CLASP2: variants seen among roughly 807,000 people sequenced by gnomAD.
CLASP2 encodes cytoplasmic linker associated protein 2, also known as CLIP-associating protein 2.
In CLASP2, 47 loss-of-function variants were observed where a neutral mutation model predicts 194.4. The ratio of observed to expected loss-of-function variants is 0.24; its 90% CI spans 0.19 to 0.31. The LOEUF (loss-of-function observed/expected upper bound fraction) is 0.31, where lower values mean the gene tolerates loss of function less well. Among genes scored for constraint, CLASP2 ranks in the 10% least tolerant of loss-of-function variants. The pLI is 1.00. For synonymous variants in CLASP2, 619 were observed against 633.5 expected (o/e 0.98, Z 0.34); for missense variants, 1,445 against 1,823.6 (o/e 0.79, Z 3.78).
At chr3:33,498,803 G>A (rs1413433692) in intron 38 of CLASP2, 86 bp from the exon 39 acceptor site, 4 of 654,088 alleles carry the variant, frequency 6.1e-6, no homozygotes, top group Non-Finnish European at 1.0e-5. Flanking sequence ...ACATATATGT[G>A]AGCTCTGAAA....
chr3:33,506,377 C>CAAAAAAAAAAAAAAAAAAAAAAAAAAAAA lies in CLASP2; in HGVS notation c.4317+4180_4317+4181insTTTTTTTTTTTTTTTTTTTTTTTTTTTTT, dbSNP rs2048189726. 1.8e-4 allele frequency among the ~76,000 whole-genome samples: 11 copies of CAAAAAAAAAAAAAAAAAAAAAAAAAAAAA among 61,878 alleles called. 3 individuals carry two copies. Among genetic ancestry groups the CAAAAAAAAAAAAAAAAAAAAAAAAAAAAA allele is most frequent in the African/African-American group, 5.1e-4 (9 of 17,542 alleles). 40.6% of individuals were successfully genotyped at this position (61,878 alleles called of 152,430 possible). On this transcript the variant is annotated intron_variant, in intron 37 of 38. Transcript: ENST00000682230. The stretch of plus-strand genomic sequence containing the variant: ...TGGGTGACAGAGTGAGACTCTGTCT[C>CAAAAAAAAAAAAAAAAAAAAAAAAAAAAA]GAAAAAAAAAAAAAAAAAAAAAAAA...
At chr3:33,679,146 T>C (rs1334578941) in intron 6 of CLASP2, among the ~76,000 whole-genome samples, 2 of 151,952 alleles carry the variant, frequency 1.3e-5, no homozygotes, top group Non-Finnish European at 2.9e-5. Context: ...TAAAAGATAG[T>C]TTCTTCAAAA....
intron 1 of CLASP2, among the ~76,000 whole-genome samples, chr3:33,711,371 G>A (rs912250428): frequency 6.7e-5 from 10 of 150,104 alleles, no homozygotes; most frequent in South Asian, 2.1e-4. Flanking sequence ...TCAGCCTCCC[G>A]AATAGCTAGG....
intron 18 of CLASP2, among the ~76,000 whole-genome samples, chr3:33,601,862 T>C (rs1317702857): frequency 6.6e-6 from 1 of 152,218 alleles, no homozygotes; most frequent in Non-Finnish European, 1.5e-5. Flanking sequence ...CATACCTAAA[T>C]TCTCTGCACT....
rs112816667 is a variant in CLASP2, at chr3:33,637,039, C to T, written c.863-4668G>A. Reference sequence around the variant, plus strand: ...TAGGACAACTGAGAAAACTTAAATACGTAGGTAAGCTGACTAAAAGGAAGT... The same window carrying T: ...TAGGACAACTGAGAAAACTTAAATATGTAGGTAAGCTGACTAAAAGGAAGT... On this transcript the variant is annotated intron_variant, in intron 8 of 38. Transcript: ENST00000682230. 6.6e-3 allele frequency among the ~76,000 whole-genome samples: 1,002 copies of T among 152,158 alleles called. 9 individuals are homozygous for T. Among genetic ancestry groups the T allele is most frequent in the African/African-American group, 0.022 (907 of 41,502 alleles).
chr3:33,646,908 T>G (rs2082367223), intron 7 of CLASP2, among the ~76,000 whole-genome samples: 3 of 152,224 alleles, frequency 2.0e-5, no homozygotes. Flanking sequence ...ACACTTGGTT[T>G]TGTTCATTTT....
intron 1 of CLASP2, among the ~76,000 whole-genome samples, chr3:33,716,669 T>C (rs565190100): frequency 6.6e-6 from 1 of 152,344 alleles, no homozygotes; most frequent in East Asian, 1.9e-4. Context: ...TGATATATTA[T>C]TAAATTACCT....
At chr3:33,574,887 T>C (rs1309947716) in intron 24 of CLASP2, among the ~76,000 whole-genome samples, 5 of 152,138 alleles carry the variant, frequency 3.3e-5, no homozygotes, top group African/African-American at 1.2e-4. Flanking sequence ...CTGCAAATAA[T>C]GGAAGTATTC....
intron 29 of CLASP2, among the ~76,000 whole-genome samples, chr3:33,555,894 T>C (rs917057895): frequency 6.6e-6 from 1 of 152,238 alleles, no homozygotes; most frequent in Non-Finnish European, 1.5e-5. Context: ...ATGTGTTTAC[T>C]ATACTAATAG....
chr3:33,695,693 A>G (rs571719838), intron 2 of CLASP2, among the ~76,000 whole-genome samples: 1 of 152,206 alleles, frequency 6.6e-6, no homozygotes, highest in South Asian at 2.1e-4. Context: ...TAATGCTAAC[A>G]CTTTGGGAGG....
At chr3:33,568,000 T>C (rs2063048192) in intron 26 of CLASP2, among the ~76,000 whole-genome samples, 1 of 152,244 alleles carries the variant, frequency 6.6e-6, no homozygotes, top group Non-Finnish European at 1.5e-5. Context: ...GTCTTACAGA[T>C]ATTGTGGTTA....
intron 37 of CLASP2, chr3:33,502,740 A>G (rs1414329455): frequency 6.6e-6 from 1 of 152,192 alleles, no homozygotes; most frequent in Non-Finnish European, 1.5e-5. Flanking sequence ...TAAAATCCTA[A>G]TCATTTTATC....
chr3:33,626,254 T>G (rs939846353), intron 10 of CLASP2, among the ~76,000 whole-genome samples: 6 of 152,114 alleles, frequency 3.9e-5, no homozygotes, highest in African/African-American at 9.7e-5. Flanking sequence ...ATAGGGATTT[T>G]CATGATCAGC....
chr3:33,609,077 C>T (rs918881548), intron 13 of CLASP2, among the ~76,000 whole-genome samples: 2 of 151,966 alleles, frequency 1.3e-5, no homozygotes, highest in Non-Finnish European at 2.9e-5. Context: ...GTCAGGAGTT[C>T]GAGACCAGCC....
chr3:33,551,941 T>A (rs1162970728), intron 29 of CLASP2, among the ~76,000 whole-genome samples: 1 of 145,954 alleles, frequency 6.9e-6, no homozygotes, highest in Non-Finnish European at 1.5e-5. Flanking sequence ...GCAATATAGT[T>A]TTTTTTTTTT....
intron 6 of CLASP2, among the ~76,000 whole-genome samples, chr3:33,678,036 A>G (rs117405469): frequency 6.6e-6 from 1 of 151,916 alleles, no homozygotes; most frequent in East Asian, 1.9e-4. Flanking sequence ...GCTTGAGGAA[A>G]TCTCAATAGA....
intron 8 of CLASP2, among the ~76,000 whole-genome samples, chr3:33,640,749 G>A (rs575276668): frequency 3.3e-5 from 5 of 151,988 alleles, no homozygotes; most frequent in African/African-American, 1.2e-4. Flanking sequence ...TACAGGAATA[G>A]GGATATTATA....
At chr3:33,594,384 T>G (rs961568427) in intron 20 of CLASP2, among the ~76,000 whole-genome samples, 2 of 152,030 alleles carry the variant, frequency 1.3e-5, no homozygotes, top group Non-Finnish European at 2.9e-5. Flanking sequence ...TTCTACAAAT[T>G]GAAAACTATA....
At chr3:33,673,101 GAT>G (rs1355922170) in intron 6 of CLASP2, among the ~76,000 whole-genome samples, 1 of 152,138 alleles carries the variant, frequency 6.6e-6, no homozygotes, top group African/African-American at 2.4e-5. Context: ...ACGCTACAAA[GAT>G]ACTCCTCGTG....
Sources: allele counts gnomAD v4.1 joint callset (sites outside exome capture counted in the v4.1 genomes callset), GRCh38; gene constraint gnomAD v4.1.1; transcripts MANE v1.5; gene names NCBI Gene and HGNC (gene_info 2026-07-23, HGNC 2026-07-21).